The following TMEM178B variants were observed in gnomAD, a reference collection of about 807,000 sequenced individuals.
TMEM178B encodes transmembrane protein 178B.
Under a neutral mutation model 31.0 loss-of-function variants are expected in TMEM178B, and 5 were observed. The ratio of observed to expected loss-of-function variants is 0.16; its 90% CI spans 0.08 to 0.34. The LOEUF is 0.34. Ranked by LOEUF, TMEM178B falls within the 10% of genes least tolerant of loss-of-function variation. TMEM178B has a pLI of 1.00. For synonymous variants in TMEM178B, 164 were observed against 164.0 expected (o/e 1.00, Z 0.00); for missense variants, 275 against 400.3 (o/e 0.69, Z 2.67).
chr7:141,371,815 C>T (rs2116570276), intron 2 of TMEM178B, among the ~76,000 whole-genome samples: 1 of 152,300 alleles, frequency 6.6e-6, no homozygotes, highest in Admixed American at 6.5e-5. Context: ...TCCTCCCCTT[C>T]TCCTCCCTGC....
intron 2 of TMEM178B, among the ~76,000 whole-genome samples, chr7:141,216,564 G>A (rs1457590351): frequency 6.6e-6 from 1 of 151,806 alleles, no homozygotes; most frequent in Admixed American, 6.6e-5. Context: ...TGTGTGGTAG[G>A]GAAGAAGGGT....
rs549714811 is a variant in TMEM178B at position 141,427,727 on chromosome 7, T to C, written c.497-9881T>C. ...GAATGGGATCAAACTAAAAAGCTTC[T>C]GTACAGTAAAGGAAACCATCAACAG... On this transcript the variant is annotated intron_variant, in intron 2 of 3. Transcript: ENST00000565468. Among the ~76,000 whole-genome samples the C allele has an allele frequency of 2.0e-5, 3 of 152,178 alleles. No homozygotes were observed. In the South Asian group the frequency reaches 6.2e-4, roughly 32 times the overall value.
chr7:141,434,997 T>A (rs1484096388), intron 2 of TMEM178B, among the ~76,000 whole-genome samples: 1 of 152,236 alleles, frequency 6.6e-6, no homozygotes, highest in African/African-American at 2.4e-5. Flanking sequence ...TTTTCTTTAT[T>A]CATTCATTGA....
intron 1 of TMEM178B, among the ~76,000 whole-genome samples, chr7:141,183,798 G>C (rs1252022867): frequency 1.3e-5 from 2 of 152,220 alleles, no homozygotes; most frequent in Non-Finnish European, 2.9e-5. Context: ...TGAGAAATAA[G>C]AGCATTTTCT....
chr7:141,075,213 G>GC (rs1794583590), intron 1 of TMEM178B, among the ~76,000 whole-genome samples: 1 of 152,066 alleles, frequency 6.6e-6, no homozygotes, highest in Non-Finnish European at 1.5e-5. Context: ...ATAAATCACA[G>GC]CCCCTGTCCT....
chr7:141,159,756 A>G (rs144554848), intron 1 of TMEM178B, among the ~76,000 whole-genome samples: 1 of 152,250 alleles, frequency 6.6e-6, no homozygotes, highest in East Asian at 1.9e-4. Context: ...CTTTCTACTT[A>G]GAATGGACAA....
intron 2 of TMEM178B, among the ~76,000 whole-genome samples, chr7:141,408,485 A>T (rs1018408486): frequency 3.9e-5 from 6 of 152,210 alleles, no homozygotes; most frequent in African/African-American, 1.4e-4. Context: ...CATTTCTACC[A>T]GTTTCCCAGA....
intron 2 of TMEM178B, among the ~76,000 whole-genome samples, chr7:141,253,544 CTTTTTTTTTT>C (rs34199017): frequency 8.6e-5 from 6 of 70,044 alleles, no homozygotes; most frequent in East Asian, 5.3e-4. Flanking sequence ...ATTTTCCCTT[CTTTTTTTTTT>C]TTTTTTTTTT....
intron 2 of TMEM178B, among the ~76,000 whole-genome samples, chr7:141,260,311 G>T (rs577056802): frequency 6.4e-4 from 98 of 152,290 alleles, no homozygotes; most frequent in African/African-American, 2.3e-3. Context: ...AGAGGTGGGT[G>T]GGAACATCTC....
chr7:141,443,792 C>A (rs1371374070), intron 3 of TMEM178B, among the ~76,000 whole-genome samples: 1 of 152,172 alleles, frequency 6.6e-6, no homozygotes, highest in African/African-American at 2.4e-5. Context: ...ATTTGGAATT[C>A]TTCTGCGTGG....
At chr7:141,197,693 T>C (rs1477949691) in intron 1 of TMEM178B, among the ~76,000 whole-genome samples, 1 of 152,114 alleles carries the variant, frequency 6.6e-6, no homozygotes, top group Admixed American at 6.5e-5. Flanking sequence ...AGTGCAGTGG[T>C]GCGATCTTGG....
At chr7:141,415,941 A>G (rs1370462542) in intron 2 of TMEM178B, 1 of 152,632 alleles carries the variant, frequency 6.6e-6, no homozygotes, top group Non-Finnish European at 1.5e-5. Flanking sequence ...TAAGTTACAA[A>G]TATATATGAA....
rs187290608 is a variant in TMEM178B at position 141,121,752 on chromosome 7, A to G, written c.382+47060A>G. Among the ~76,000 whole-genome samples, 508 of 152,280 alleles carry G rather than the reference A, an allele frequency of 3.3e-3. 3 individuals are homozygous for G. Among genetic ancestry groups the G allele is most frequent in the Non-Finnish European group, 5.7e-3 (391 of 68,024 alleles). On this transcript the variant is annotated intron_variant, in intron 1 of 3. Coordinates refer to ENST00000565468, the MANE Select transcript of TMEM178B (RefSeq NM_001195278.2). ...GACTCTTAGATTGTTTCTTTTTATGAGACCTGATCTTTTCCTCCCCATGAA... is the reference window on the plus strand; with the variant it reads ...GACTCTTAGATTGTTTCTTTTTATGGGACCTGATCTTTTCCTCCCCATGAA...
At chr7:141,241,659 G>A (rs1474633164) in intron 2 of TMEM178B, among the ~76,000 whole-genome samples, 3 of 151,912 alleles carry the variant, frequency 2.0e-5, no homozygotes, top group Non-Finnish European at 4.4e-5. Flanking sequence ...CAAGATTTGA[G>A]GGCACGTGGT....
chr7:141,168,235 G>GGT (rs1796292573), intron 1 of TMEM178B, among the ~76,000 whole-genome samples: 1 of 152,060 alleles, frequency 6.6e-6, no homozygotes, highest in African/African-American at 2.4e-5. Flanking sequence ...CCTTTGACTT[G>GGT]GTGTAATTTG....
chr7:141,348,849 C>T (rs1028149533), intron 2 of TMEM178B, among the ~76,000 whole-genome samples: 23 of 152,200 alleles, frequency 1.5e-4, no homozygotes, highest in Middle Eastern at 3.4e-3. Flanking sequence ...AGAGCATTAG[C>T]GAGCAGAACT....
chr7:141,210,255 G>A (rs556958031), intron 1 of TMEM178B, among the ~76,000 whole-genome samples: 1 of 152,086 alleles, frequency 6.6e-6, no homozygotes, highest in Non-Finnish European at 1.5e-5. Flanking sequence ...ACCTGAGGTC[G>A]GGAGTTCAAG....
At chr7:141,258,741 G>A (rs1242451976) in intron 2 of TMEM178B, among the ~76,000 whole-genome samples, 1 of 152,122 alleles carries the variant, frequency 6.6e-6, no homozygotes, top group African/African-American at 2.4e-5. Context: ...TTGGTTAAAC[G>A]AGTTTTTGTC....
At chr7:141,264,956 A>G (rs569419100) in intron 2 of TMEM178B, among the ~76,000 whole-genome samples, 1 of 152,360 alleles carries the variant, frequency 6.6e-6, no homozygotes, top group Admixed American at 6.5e-5. Flanking sequence ...ATTTACCAAC[A>G]TTATCACATT....
Sources: allele counts gnomAD v4.1 joint callset (sites outside exome capture counted in the v4.1 genomes callset), GRCh38; gene constraint gnomAD v4.1.1; transcripts MANE v1.5; gene names NCBI Gene and HGNC (gene_info 2026-07-23, HGNC 2026-07-21).